Variants in PCDH7 observed in about 807,000 individuals in gnomAD.
PCDH7 encodes protocadherin 7, also known as protocadherin-7.
PCDH7 carries 17 observed loss-of-function variants against 58.9 expected under a neutral mutation model. That is an observed-to-expected ratio of 0.29 (90% CI 0.20 to 0.43). The LOEUF (loss-of-function observed/expected upper bound fraction) is 0.43. PCDH7 is among the 20% of genes least tolerant of loss of function. The pLI is 1.00. For missense variants in PCDH7, 1,274 were observed against 1,441.0 expected (o/e 0.88, Z 1.88); for synonymous variants, 664 against 616.4 (o/e 1.08, Z -1.14).
intron 3 of PCDH7, among the ~76,000 whole-genome samples, chr4:31,081,751 T>C (rs1175666828): frequency 1.3e-5 from 2 of 151,642 alleles, no homozygotes; most frequent in African/African-American, 4.9e-5. Context: ...TACAAACTTC[T>C]TTAAAGGGAC....
At chr4:30,867,497 C>T (rs528624773) in intron 1 of PCDH7, among the ~76,000 whole-genome samples, 69 of 152,212 alleles carry the variant, frequency 4.5e-4, no homozygotes, top group African/African-American at 1.5e-3. Context: ...ACATGATGTA[C>T]TCACTAACTT....
At chr4:30,913,767 A>T (rs1742070710) in intron 1 of PCDH7, among the ~76,000 whole-genome samples, 1 of 152,184 alleles carries the variant, frequency 6.6e-6, no homozygotes, top group Non-Finnish European at 1.5e-5. Context: ...TTACCTAAGA[A>T]GGCAGTCTTT....
chr4:30,940,585 A>T (rs1745909807), intron 2 of PCDH7, among the ~76,000 whole-genome samples: 2 of 152,008 alleles, frequency 1.3e-5, no homozygotes, highest in Admixed American at 1.3e-4. Flanking sequence ...AAACTTAGCC[A>T]TCATTTTTAC....
chr4:31,004,721 T>C (rs1463453407), intron 3 of PCDH7, among the ~76,000 whole-genome samples: 1 of 152,116 alleles, frequency 6.6e-6, no homozygotes, highest in Non-Finnish European at 1.5e-5. Flanking sequence ...ATCCAATATT[T>C]ATTGAACATT....
At chr4:30,838,377 T>G (rs951553627) in intron 1 of PCDH7, among the ~76,000 whole-genome samples, 2 of 152,154 alleles carry the variant, frequency 1.3e-5, no homozygotes, top group Non-Finnish European at 2.9e-5. Context: ...TCTTGGGAGA[T>G]GTACTTAAAT....
intron 2 of PCDH7, among the ~76,000 whole-genome samples, chr4:30,935,041 GA>G (rs1467833464): frequency 6.6e-6 from 1 of 151,990 alleles, no homozygotes. Context: ...AAGTATTACT[GA>G]AGTATTACTT....
At position 30,985,488 on chromosome 4, in the gene PCDH7, T is replaced by C. The variant is rs992730712; in HGVS notation, c.*7+35273T>C. ...AAAGAAGATGGCTTAAGAAAGAGAA[T>C]GGCTTAGGTTTCAGTGGTGACTATG... On this transcript the variant is annotated intron_variant, in intron 3 of 3. Transcript: ENST00000509759. Among the ~76,000 whole-genome samples the C allele has an allele frequency of 1.6e-4, 24 of 152,186 alleles. 1 individual carries two copies. Among genetic ancestry groups the C allele is most frequent in the Non-Finnish European group, 7.3e-5 (5 of 68,028 alleles).
At chr4:30,964,083 T>C (rs1748743319) in intron 3 of PCDH7, among the ~76,000 whole-genome samples, 1 of 152,160 alleles carries the variant, frequency 6.6e-6, no homozygotes, top group Non-Finnish European at 1.5e-5. Flanking sequence ...GTCTTTATAT[T>C]ATCTTATTCC....
chr4:31,008,255 A>T (rs1014407981), intron 3 of PCDH7, among the ~76,000 whole-genome samples: 1 of 152,162 alleles, frequency 6.6e-6, no homozygotes. Flanking sequence ...TATATTCATT[A>T]GTTGCAATTT....
chr4:31,120,892 AT>A (rs542158653), intron 3 of PCDH7, among the ~76,000 whole-genome samples: 25 of 152,268 alleles, frequency 1.6e-4, no homozygotes, highest in African/African-American at 6.0e-4. Flanking sequence ...TCTCTTCTTC[AT>A]TCAATAAAGA....
At chr4:30,764,301 C>T (rs1720414601) in intron 1 of PCDH7, among the ~76,000 whole-genome samples, 1 of 152,108 alleles carries the variant, frequency 6.6e-6, no homozygotes, top group Admixed American at 6.5e-5. Flanking sequence ...GAATTCAGAT[C>T]AAGGTGCAAT....
At chr4:31,120,043 A>G (rs1717474059) in intron 3 of PCDH7, among the ~76,000 whole-genome samples, 1 of 150,342 alleles carries the variant, frequency 6.7e-6, no homozygotes, top group Non-Finnish European at 1.5e-5. Context: ...CTACCTGACC[A>G]TCACCTGATG....
chr4:30,994,002 A>G (rs1751674729), intron 3 of PCDH7, among the ~76,000 whole-genome samples: 1 of 152,190 alleles, frequency 6.6e-6, no homozygotes, highest in Non-Finnish European at 1.5e-5. Flanking sequence ...ATGGGCAGTG[A>G]AAAAGACTGT....
intron 1 of PCDH7, among the ~76,000 whole-genome samples, chr4:30,827,674 A>T (rs1729268173): frequency 6.6e-6 from 1 of 152,200 alleles, no homozygotes; most frequent in Non-Finnish European, 1.5e-5. Context: ...ATCTACATAG[A>T]CAGTTGTGCA....
At chr4:30,939,802 T>C (rs1320656670) in intron 2 of PCDH7, among the ~76,000 whole-genome samples, 1 of 152,112 alleles carries the variant, frequency 6.6e-6, no homozygotes, top group Non-Finnish European at 1.5e-5. Flanking sequence ...TTTCTAATCA[T>C]GCATGGCCTG....
At chr4:30,907,450 G>A (rs6448727) in intron 1 of PCDH7, among the ~76,000 whole-genome samples, 105,559 of 152,034 alleles carry the variant, frequency 0.69, 36,883 homozygotes, top group African/African-American at 0.78. Context: ...GAATATGAAC[G>A]GACACTTCTC....
intron 1 of PCDH7, among the ~76,000 whole-genome samples, chr4:30,753,627 C>T (rs949952789): frequency 5.3e-5 from 8 of 152,188 alleles, no homozygotes; most frequent in Admixed American, 6.5e-5. Flanking sequence ...ATGGCAAAGA[C>T]ATGTTTTTGG....
At chr4:30,889,102 G>C (rs1255203117) in intron 1 of PCDH7, among the ~76,000 whole-genome samples, 4 of 143,392 alleles carry the variant, frequency 2.8e-5, no homozygotes, top group African/African-American at 1.1e-4. Context: ...GATTGCTTCA[G>C]CCTGGGAGGC....
chr4:31,076,784 C>T (rs1237919839), intron 3 of PCDH7, among the ~76,000 whole-genome samples: 2 of 152,024 alleles, frequency 1.3e-5, no homozygotes, highest in African/African-American at 4.8e-5. Context: ...TGTAATACAC[C>T]ACATTAACAG....
Sources: allele counts gnomAD v4.1 joint callset (sites outside exome capture counted in the v4.1 genomes callset), GRCh38; gene constraint gnomAD v4.1.1; transcripts MANE v1.5; gene names NCBI Gene and HGNC (gene_info 2026-07-23, HGNC 2026-07-21).